RBFOX1: variants seen among roughly 807,000 people sequenced by gnomAD.
RBFOX1 encodes RNA binding protein fox-1 homolog 1.
Under a neutral mutation model 57.7 loss-of-function variants are expected in RBFOX1, and 8 were observed. The observed-to-expected ratio is 0.14, with a 90% CI of 0.08 to 0.25. RBFOX1 has a LOEUF of 0.25. Among genes scored for constraint, RBFOX1 ranks in the 10% least tolerant of loss-of-function variants. The pLI is 1.00. For synonymous variants in RBFOX1, 326 were observed against 222.4 expected, an observed-to-expected ratio of 1.47 and a Z score of -4.15; for missense variants, 611 against 548.5, an observed-to-expected ratio of 1.11 and a Z score of -1.14.
chr16:6,189,176 G>A (rs1446692234), intron 1 of RBFOX1, among the ~76,000 whole-genome samples: 1 of 152,142 alleles, frequency 6.6e-6, no homozygotes, highest in Non-Finnish European at 1.5e-5. Flanking sequence ...GCTGTCAGAT[G>A]GATATTACAA....
At chr16:5,550,617 T>C (rs2045424069) in intron 2 of RBFOX1, among the ~76,000 whole-genome samples, 1 of 152,206 alleles carries the variant, frequency 6.6e-6, no homozygotes, top group Non-Finnish European at 1.5e-5. Context: ...CAGCTTGTTA[T>C]TGACTTATTG....
intron 1 of RBFOX1, among the ~76,000 whole-genome samples, chr16:6,091,833 A>AAAAAC (rs752727565): frequency 2.0e-5 from 3 of 152,190 alleles, no homozygotes; most frequent in Admixed American, 6.5e-5. Context: ...TCTGTCTCAA[A>AAAAAC]AAAACAAAAC....
chr16:7,642,711 G>A (rs1254281528), intron 11 of RBFOX1, among the ~76,000 whole-genome samples: 1 of 151,770 alleles, frequency 6.6e-6, no homozygotes, highest in Admixed American at 6.6e-5. Flanking sequence ...GTGGTTTCCC[G>A]GGAAACAACA....
chr16:6,813,265 T>G (rs1210117099), intron 3 of RBFOX1, among the ~76,000 whole-genome samples: 1 of 152,200 alleles, frequency 6.6e-6, no homozygotes, highest in African/African-American at 2.4e-5. Flanking sequence ...TTCCAGTTCT[T>G]TCTGGCAGTC....
intron 3 of RBFOX1, among the ~76,000 whole-genome samples, chr16:6,732,752 C>A (rs569328754): frequency 6.6e-6 from 1 of 152,176 alleles, no homozygotes; most frequent in Non-Finnish European, 1.5e-5. Flanking sequence ...CACATTCTGC[C>A]AGTGCCTCTG....
At chr16:7,329,814 A>T (rs1013091644) in intron 4 of RBFOX1, among the ~76,000 whole-genome samples, 1 of 152,206 alleles carries the variant, frequency 6.6e-6, no homozygotes, top group East Asian at 1.9e-4. Flanking sequence ...TTAAGAAGAA[A>T]ACAGAAAATA....
chr16:5,684,951 G>A (rs1265939334), intron 3 of RBFOX1, among the ~76,000 whole-genome samples: 1 of 152,174 alleles, frequency 6.6e-6, no homozygotes, highest in Non-Finnish European at 1.5e-5. Flanking sequence ...TATCTCCCAG[G>A]CACAGATAGA....
At chr16:6,026,776 G>T (rs2095204215) in intron 1 of RBFOX1, among the ~76,000 whole-genome samples, 1 of 152,202 alleles carries the variant, frequency 6.6e-6, no homozygotes, top group South Asian at 2.1e-4. Context: ...GGGTTGCCCA[G>T]GGCATCTCTG....
intron 2 of RBFOX1, among the ~76,000 whole-genome samples, chr16:6,404,932 G>A (rs938729458): frequency 6.6e-6 from 1 of 152,102 alleles, no homozygotes; most frequent in African/African-American, 2.4e-5. Flanking sequence ...ATTCAGCATT[G>A]GTAGACGGAA....
chr16:6,373,373 A>G (rs977676729), intron 2 of RBFOX1, among the ~76,000 whole-genome samples: 2 of 147,630 alleles, frequency 1.4e-5, no homozygotes, highest in African/African-American at 5.1e-5. Context: ...GGATGGAAGG[A>G]TAGTTTTTTA....
At chr16:5,534,855 T>C (rs958807840) in intron 2 of RBFOX1, among the ~76,000 whole-genome samples, 5 of 152,078 alleles carry the variant, frequency 3.3e-5, no homozygotes, top group Admixed American at 3.3e-4. Flanking sequence ...ACACATACAG[T>C]AGGGAATTTA....
At chr16:7,457,846 T>C (rs928751954) in intron 4 of RBFOX1, among the ~76,000 whole-genome samples, 4 of 152,140 alleles carry the variant, frequency 2.6e-5, no homozygotes, top group Non-Finnish European at 5.9e-5. Context: ...TTTGATATGA[T>C]CCACTTGGCC....
At chr16:7,194,569 A>G (rs761345710) in intron 4 of RBFOX1, among the ~76,000 whole-genome samples, 4 of 152,156 alleles carry the variant, frequency 2.6e-5, no homozygotes, top group Non-Finnish European at 4.4e-5. Context: ...GCCTGAAACC[A>G]TCTTTGAATC....
At chr16:5,454,648 C>T (rs139280648) in intron 1 of RBFOX1, among the ~76,000 whole-genome samples, 1 of 152,166 alleles carries the variant, frequency 6.6e-6, no homozygotes, top group South Asian at 2.1e-4. Context: ...CTACCTGGGT[C>T]TCTATTTGGT....
chr16:7,386,395 A>G (rs2097882398), intron 4 of RBFOX1, among the ~76,000 whole-genome samples: 1 of 149,598 alleles, frequency 6.7e-6, no homozygotes, highest in Non-Finnish European at 1.5e-5. Context: ...CCACCCCCCA[A>G]CAGGCCCCAG....
At chr16:7,257,262 G>A (rs1238120445) in intron 4 of RBFOX1, among the ~76,000 whole-genome samples, 1 of 152,116 alleles carries the variant, frequency 6.6e-6, no homozygotes, top group Non-Finnish European at 1.5e-5. Context: ...ATCCCTGACT[G>A]GGAGGAAGTG....
At chr16:6,529,180 T>G (rs1034912884) in intron 2 of RBFOX1, among the ~76,000 whole-genome samples, 34 of 152,316 alleles carry the variant, frequency 2.2e-4, no homozygotes, top group African/African-American at 7.9e-4. Flanking sequence ...TGCTAAAAAG[T>G]ACCCTATTAA....
intron 3 of RBFOX1, among the ~76,000 whole-genome samples, chr16:5,832,774 G>C (rs781056424): frequency 1.3e-5 from 2 of 152,172 alleles, no homozygotes; most frequent in Non-Finnish European, 2.9e-5. Context: ...GAGTGAACAG[G>C]AACCAAAGAT....
intron 1 of RBFOX1, among the ~76,000 whole-genome samples, chr16:6,231,831 G>GTTTT (rs34438828): frequency 1.7e-4 from 21 of 123,586 alleles, no homozygotes; most frequent in South Asian, 2.8e-4. Context: ...TAGCTTTCCA[G>GTTTT]TTTTTTTTTT....
Sources: gnomAD v4.1 joint callset for allele counts (sites outside exome capture counted in the v4.1 genomes callset) on GRCh38, gnomAD v4.1.1 for gene constraint, MANE v1.5 for transcripts, NCBI Gene and HGNC (gene_info 2026-07-23, HGNC 2026-07-21) for gene names.